Variants in ADGRG6 observed in about 807,000 individuals in gnomAD.
The protein encoded by ADGRG6 is adhesion G protein-coupled receptor G6, also known as G-protein coupled receptor 126.
ADGRG6 carries 84 observed loss-of-function variants against 142.4 expected under a neutral mutation model. That is an observed-to-expected ratio of 0.59 (90% CI 0.49 to 0.71). ADGRG6 has a LOEUF of 0.71. ADGRG6 is among the 30% of genes least tolerant of loss of function. The pLI, the probability that ADGRG6 is intolerant of heterozygous loss-of-function variation, is 0.00. For missense variants in ADGRG6, 1,367 were observed against 1,466.6 expected (o/e 0.93, Z 1.11); for synonymous variants, 521 against 520.5 (o/e 1.00, Z -0.01).
In ADGRG6 at chr6:142,370,229, G is replaced by A; in HGVS notation, c.505G>A (p.Val169Ile). 2 of 1,610,602 alleles carry A rather than the reference G, an allele frequency of 1.2e-6. No homozygotes were observed. The highest frequency in any genetic ancestry group is 1.7e-6 in the Non-Finnish European group (2 of 1,176,976). ...ILPQTSDAYQ[V>I]SVAKSISIPE... is the part of the protein sequence containing the mutation. ...ACCCCAGACATCAGATGCTTACCAG[G>A]TATCTGTTGCAAAAAGCATCTCTAT... Residue 169 changes from valine (V) to isoleucine (I), a missense_variant, in exon 4 of 25, where the codon GTA (valine) becomes ATA (isoleucine). By Grantham distance (29) the Val-to-Ile change is conservative. This residue lies in a region of ADGRG6 where 737 missense variants were observed against 746.5 expected (regional missense o/e 0.99). Coordinates refer to ENST00000367609, the MANE Select transcript of ADGRG6 (RefSeq NM_198569.3).
intron 2 of ADGRG6, among the ~76,000 whole-genome samples, chr6:142,365,060 C>T (rs1319170032): frequency 6.6e-6 from 1 of 151,994 alleles, no homozygotes; most frequent in South Asian, 2.1e-4. Context: ...TGCTTACTTT[C>T]CTTTATATTT....
intron 1 of ADGRG6, chr6:142,302,831 TA>T (rs1777296671): frequency 6.4e-6 from 1 of 156,112 alleles, no homozygotes; most frequent in African/African-American, 2.4e-5. Flanking sequence ...TGAATTTTTT[TA>T]AGGTGTGCAG....
chr6:142,314,716 C>T (rs1777939714), intron 2 of ADGRG6, among the ~76,000 whole-genome samples: 1 of 152,100 alleles, frequency 6.6e-6, no homozygotes, highest in South Asian at 2.1e-4. Flanking sequence ...AAGATACTGG[C>T]CTTTAGATAT....
Position 142,402,646 on chromosome 6 carries a change from A to C in ADGRG6, c.1771A>C (p.Ile591Leu). The change falls in exon 13 of 25, where the codon ATT (isoleucine) becomes CTT (leucine). Residue 591 changes from isoleucine to leucine, a missense_variant. Physicochemically the swap from Ile to Leu is conservative, Grantham distance 5 (BLOSUM62 2). Around this residue, in one of 3 missense-constraint regions of ADGRG6, gnomAD observed 737 missense variants for 746.5 expected, o/e 0.99. Coordinates refer to ENST00000367609, the MANE Select transcript of ADGRG6 (RefSeq NM_198569.3). ...AGAAGCAAATGAAGTTGCTAACCAG[A>C]TTTTAAATTTAACTGCTGATGGGCA... The part of the protein sequence containing the change: ...LKEANEVANQ[I>L]LNLTADGQNL... 6.2e-7 allele frequency: 1 copy of C among 1,601,554 alleles called. No individual in the cohort carries two copies. Among genetic ancestry groups the C allele is most frequent in the South Asian group, 1.1e-5 (1 of 89,882 alleles).
Position 142,370,531 on chromosome 6 carries a change from A to T in ADGRG6, c.807A>T (p.Lys269Asn), listed in dbSNP as rs1402334623. 1 of 1,613,694 alleles carries T rather than the reference A, an allele frequency of 6.2e-7. No individual in the cohort carries two copies. The highest frequency in any genetic ancestry group is 8.5e-7 in the Non-Finnish European group (1 of 1,179,732). Residue 269 changes from lysine (K) to asparagine (N), a missense_variant, in exon 4 of 25, where the codon AAA becomes AAT. By Grantham distance (94) the Lys-to-Asn change is moderately conservative. Coordinates refer to ENST00000367609, the MANE Select transcript of ADGRG6 (RefSeq NM_198569.3). ...TGGGCTCTATTGGTGTAAATTTCAA[A>T]AGAAACTATGAAACAGTTCCATGTG... is the stretch of plus-strand genomic sequence containing the variant. ...NSLGSIGVNFKRNYETVPCDS... is the reference protein window; with the variant it reads ...NSLGSIGVNFNRNYETVPCDS...
chr6:142,413,357 A>C (rs544459150), intron 18 of ADGRG6, among the ~76,000 whole-genome samples: 152 of 152,300 alleles, frequency 1.0e-3, no homozygotes, highest in Non-Finnish European at 1.8e-3. Flanking sequence ...ATATTTCAAG[A>C]ATTTAATGTC....
At chr6:142,366,649 G>A (rs9942441) in intron 2 of ADGRG6, among the ~76,000 whole-genome samples, 2 of 151,774 alleles carry the variant, frequency 1.3e-5, no homozygotes, top group Admixed American at 6.6e-5. Flanking sequence ...TAGCTACTCG[G>A]GAGGCTGAGG....
intron 2 of ADGRG6, among the ~76,000 whole-genome samples, chr6:142,311,323 T>C (rs1777759077): frequency 6.6e-6 from 1 of 151,962 alleles, no homozygotes; most frequent in Non-Finnish European, 1.5e-5. Flanking sequence ...GATAGTTTTC[T>C]GTTTCACTTT....
chr6:142,428,077 A>G (rs1184497361), intron 22 of ADGRG6, among the ~76,000 whole-genome samples: 6 of 152,140 alleles, frequency 3.9e-5, no homozygotes, highest in Non-Finnish European at 8.8e-5. Flanking sequence ...ACTTTGGCTC[A>G]AGCATGTTAA....
Position 142,402,800 on chromosome 6 carries a change from C to A in ADGRG6, c.1925C>A (p.Ser642Ter). 6.3e-7 allele frequency: 1 copy of A among 1,590,600 alleles called. No individual in the cohort carries two copies. Among genetic ancestry groups the A allele is most frequent in the South Asian group, 1.1e-5 (1 of 87,716 alleles). ...ATATTTTCTAATATCTTAAGCAGTT[C>A]AGACAGTGACTTGCTTGAGTCATCT... ...MNIFSNILSS[S>*]DSDLLESSSE... is the part of the protein sequence containing the mutation. The change falls in exon 13 of 25, where the codon TCA (serine) becomes TAA (stop). Residue 642 changes from serine (S) to a stop codon, truncating the protein, a stop_gained. Coordinates refer to ENST00000367609, the MANE Select transcript of ADGRG6 (RefSeq NM_198569.3). LOFTEE classifies it high-confidence loss of function.
chr6:142,405,903 A>C, intron 15 of ADGRG6, 75 bp downstream of exon 15: 2 of 1,093,834 alleles, frequency 1.8e-6, no homozygotes, highest in Non-Finnish European at 2.6e-6. Flanking sequence ...AAAACTTTAG[A>C]TTCTGTTGAA....
chr6:142,384,579 TCA>T (rs1352935728), intron 6 of ADGRG6, among the ~76,000 whole-genome samples: 1 of 152,160 alleles, frequency 6.6e-6, no homozygotes. Flanking sequence ...GTGAGCAATT[TCA>T]GTTTCTTCTA....
chr6:142,330,285 C>T (rs557893567), intron 2 of ADGRG6, among the ~76,000 whole-genome samples: 2 of 151,958 alleles, frequency 1.3e-5, no homozygotes, highest in Non-Finnish European at 2.9e-5. Context: ...CAGCAAACCC[C>T]CGTGACCCAA....
intron 2 of ADGRG6, among the ~76,000 whole-genome samples, chr6:142,326,698 C>T (rs186341941): frequency 3.8e-4 from 58 of 151,968 alleles, no homozygotes; most frequent in African/African-American, 1.1e-3. Context: ...ATCAAAACTC[C>T]GTTATTAGGT....
intron 6 of ADGRG6, among the ~76,000 whole-genome samples, chr6:142,385,188 C>CA (rs941863338): frequency 3.3e-5 from 5 of 152,174 alleles, no homozygotes; most frequent in African/African-American, 1.2e-4. Context: ...TGTATTCACT[C>CA]AATCATGTCA....
At position 142,408,218 on chromosome 6, in the gene ADGRG6, C is replaced by G; in HGVS notation, c.2337C>G (p.Ile779Met). The change falls in exon 16 of 25, where the codon ATC (isoleucine) becomes ATG (methionine). Residue 779 changes from isoleucine (I) to methionine (M), a missense_variant. Transcript: ENST00000367609. ...CGTGCAGTATTGGAAACATTACTAT[C>G]CAGAATCTGAAGGATCCTGTTCAAA... The part of the protein sequence containing the change: ...VMACSIGNIT[I>M]QNLKDPVQIK... The G allele has an allele frequency of 8.8e-6, 14 of 1,583,478 alleles. No homozygotes were observed. The highest frequency in any genetic ancestry group is 1.7e-4 in the Middle Eastern group (1 of 6,012).
chr6:142,379,051 G>T (rs1781627441), intron 4 of ADGRG6, among the ~76,000 whole-genome samples: 1 of 151,900 alleles, frequency 6.6e-6, no homozygotes, highest in Non-Finnish European at 1.5e-5. Context: ...GTATTTCCTG[G>T]CTACACCTCT....
intron 22 of ADGRG6, among the ~76,000 whole-genome samples, chr6:142,421,536 A>G (rs1776652428): frequency 6.6e-6 from 1 of 152,160 alleles, no homozygotes; most frequent in South Asian, 2.1e-4. Context: ...ATAAATATTG[A>G]CAAAAGTATC....
At position 142,393,912 on chromosome 6, in the gene ADGRG6, GGA is replaced by G. The variant is rs1394868116; in HGVS notation, c.1382_1383del (p.Glu461GlyfsTer4). On this transcript the variant is annotated frameshift_variant, in exon 9 of 25. Transcript: ENST00000367609. LOFTEE classifies it high-confidence loss of function. Reference protein sequence around the residue: ...VVNISFHLSAGEDKIKVKRSL... With the variant: ...VVNISFHLSAXEDKIKVKRSL... ...TGTTTTTAGTTTTCACCTGAGTGCT[GGA>G]GAGGACAAGATTAAAGTCAAGAGAA... 1 of 1,558,308 alleles carries G rather than the reference GGA, an allele frequency of 6.4e-7. No individual in the cohort carries two copies. Among genetic ancestry groups the G allele is most frequent in the South Asian group, 1.2e-5 (1 of 84,602 alleles).
Sources: allele counts gnomAD v4.1 joint callset (sites outside exome capture counted in the v4.1 genomes callset), GRCh38; gene constraint gnomAD v4.1.1; regional missense constraint gnomAD v4.1.1; transcripts MANE v1.5; gene names NCBI Gene and HGNC (gene_info 2026-07-23, HGNC 2026-07-21).